SMAD3: variants seen among roughly 807,000 people sequenced by gnomAD.
SMAD3 encodes the protein MAD homolog 3.
In SMAD3, 12 loss-of-function variants were observed where a neutral mutation model predicts 51.8. The ratio of observed to expected loss-of-function variants is 0.23; its 90% confidence interval spans 0.15 to 0.38. The LOEUF (loss-of-function observed/expected upper bound fraction) is 0.38, where lower values mean the gene tolerates loss of function less well. Among genes scored for constraint, SMAD3 ranks in the 10% least tolerant of loss-of-function variants. SMAD3 has a pLI of 1.00. For synonymous variants in SMAD3, 238 were observed against 227.7 expected (o/e 1.05, Z -0.41); for missense variants, 294 against 565.6 (o/e 0.52, Z 4.87).
chr15:67,067,891 T>C (rs1004554532), intron 1 of SMAD3, among the ~76,000 whole-genome samples: 5 of 151,960 alleles, frequency 3.3e-5, no homozygotes, highest in African/African-American at 1.2e-4. Flanking sequence ...ATTCCTTCCG[T>C]GGGGGTGGCT....
chr15:67,103,167 T>C (rs10851771), intron 1 of SMAD3, among the ~76,000 whole-genome samples: 145,379 of 152,154 alleles, frequency 0.96, 69,807 homozygotes, highest in Non-Finnish European at 1. Context: ...AGCTGTACTG[T>C]TCTTTTTGTT....
At chr15:67,067,613 G>C (rs534557049) in intron 1 of SMAD3, among the ~76,000 whole-genome samples, 1 of 152,324 alleles carries the variant, frequency 6.6e-6, no homozygotes, top group Non-Finnish European at 1.5e-5. Context: ...TGCCAGGCGA[G>C]TCAGGCAGGC....
intron 1 of SMAD3, among the ~76,000 whole-genome samples, chr15:67,113,617 G>A (rs1395305006): frequency 6.6e-6 from 1 of 152,178 alleles, no homozygotes; most frequent in Non-Finnish European, 1.5e-5. Flanking sequence ...TTGGCCTTGA[G>A]CTTTCTAGCA....
intron 1 of SMAD3, among the ~76,000 whole-genome samples, chr15:67,091,196 C>G (rs1960500758): frequency 6.6e-6 from 1 of 152,220 alleles, no homozygotes; most frequent in African/African-American, 2.4e-5. Flanking sequence ...TGAACCAAGT[C>G]CCCTTATTCT....
intron 1 of SMAD3, among the ~76,000 whole-genome samples, chr15:67,075,851 C>G (rs1960155408): frequency 6.6e-6 from 1 of 151,188 alleles, no homozygotes; most frequent in South Asian, 2.1e-4. Context: ...GGAGCCAGAG[C>G]TTGCCGTGAG....
intron 1 of SMAD3, among the ~76,000 whole-genome samples, chr15:67,089,360 G>A (rs544610697): frequency 1.8e-3 from 281 of 152,268 alleles, no homozygotes; most frequent in African/African-American, 6.5e-3. Context: ...TCAGCCTCCC[G>A]GTGGGGTGAT....
Position 67,193,015 on chromosome 15 carries a change from T to C in SMAD3, c.*2479T>C, listed in dbSNP as rs530174899. 176 of 233,252 alleles carry C rather than the reference T, an allele frequency of 7.5e-4. No homozygotes were observed. The highest frequency in any genetic ancestry group is 3.7e-3 in the African/African-American group (169 of 45,442). The allele number at this position is 233,252 out of a possible 1,614,324, so 14.4% of individuals were successfully genotyped here. The stretch of plus-strand genomic sequence containing the variant: ...ACCTGTGGCATCACTGAAAATAAAT[T>C]TGATCATACCTAAGAGGTTAGGAAA... On this transcript the variant is annotated 3_prime_UTR_variant, in exon 9 of 9. Coordinates refer to ENST00000327367, the MANE Select transcript of SMAD3 (RefSeq NM_005902.4).
At position 67,188,148 on chromosome 15, in the gene SMAD3, C is replaced by CT. The variant is rs11367565; in HGVS notation, c.1154+660dup. On this transcript the variant is annotated intron_variant, in intron 8 of 8. Coordinates refer to ENST00000327367, the MANE Select transcript of SMAD3 (RefSeq NM_005902.4). ...TACATACTGGTTTCTTTTTCTTTTT[C>CT]TTTTTTTTTTTTTTTTTTTTTGAGA... Among the ~76,000 whole-genome samples the CT allele has an allele frequency of 4.6e-3, 538 of 115,928 alleles. 10 individuals carry two copies. The highest frequency in any genetic ancestry group is 0.022 in the South Asian group (70 of 3,116). The allele number at this position is 115,928 out of a possible 152,430, so 76.1% of individuals were successfully genotyped here.
At chr15:67,165,427 A>C (rs1285464775) in intron 3 of SMAD3, 43 bp downstream of exon 3, 2 of 1,609,746 alleles carry the variant, frequency 1.2e-6, no homozygotes, top group African/African-American at 2.7e-5. Flanking sequence ...AGGCAGGGGC[A>C]GCGGTCAGCC....
chr15:67,168,789 C>T (rs1962662667), intron 4 of SMAD3, among the ~76,000 whole-genome samples: 1 of 152,094 alleles, frequency 6.6e-6, no homozygotes, highest in South Asian at 2.1e-4. Context: ...ACTTGCGGAC[C>T]CCAGCCAGTG....
At chr15:67,098,570 G>A (rs371652291) in intron 1 of SMAD3, 161 of 367,800 alleles carry the variant, frequency 4.4e-4, no homozygotes, top group African/African-American at 2.8e-3. Flanking sequence ...ACTCCCTGGC[G>A]AACAGCTTGG....
chr15:67,175,643 C>T (rs557165403), intron 5 of SMAD3, among the ~76,000 whole-genome samples: 6 of 152,336 alleles, frequency 3.9e-5, no homozygotes, highest in South Asian at 4.1e-4. Flanking sequence ...AGGTGTGAAT[C>T]GGGGGCAAGT....
At chr15:67,123,239 T>C (rs1471681592) in intron 1 of SMAD3, among the ~76,000 whole-genome samples, 3 of 148,770 alleles carry the variant, frequency 2.0e-5, no homozygotes, top group African/African-American at 7.4e-5. Context: ...CTCACACCTG[T>C]AATCCCAGCA....
At chr15:67,145,125 T>A (rs1009125333) in intron 1 of SMAD3, among the ~76,000 whole-genome samples, 28 of 152,208 alleles carry the variant, frequency 1.8e-4, no homozygotes, top group African/African-American at 6.8e-4. Context: ...GAAGTCTTCT[T>A]ACTGTGTGTA....
At chr15:67,143,010 G>A (rs1322072554) in intron 1 of SMAD3, 1 of 247,846 alleles carries the variant, frequency 4.0e-6, no homozygotes, top group Middle Eastern at 6.1e-4. Flanking sequence ...TTGCTGGAGA[G>A]CCAGCTCTCC....
intron 1 of SMAD3, among the ~76,000 whole-genome samples, chr15:67,164,316 GAAAAAAAAAA>G (rs59880604): frequency 0.01 from 857 of 83,632 alleles, 8 homozygotes; most frequent in Non-Finnish European, 0.014. Context: ...CTCCGTCTCA[GAAAAAAAAAA>G]AAAAAAAAAA....
chr15:67,132,111 G>A (rs1961540557), intron 1 of SMAD3, among the ~76,000 whole-genome samples: 1 of 152,142 alleles, frequency 6.6e-6, no homozygotes, highest in Non-Finnish European at 1.5e-5. Flanking sequence ...GGAACTTCAT[G>A]ATAGGAAGGT....
At chr15:67,117,949 G>A (rs149147647) in intron 1 of SMAD3, among the ~76,000 whole-genome samples, 2,434 of 152,272 alleles carry the variant, frequency 0.016, 62 homozygotes, top group African/African-American at 0.055. Flanking sequence ...AAAATTAGCC[G>A]GGCGTGGTGA....
intron 6 of SMAD3, among the ~76,000 whole-genome samples, chr15:67,182,481 G>C (rs1275641860): frequency 6.6e-6 from 1 of 152,168 alleles, no homozygotes; most frequent in Non-Finnish European, 1.5e-5. Context: ...GGGTTCCTGC[G>C]GCAAACTCAG....
Sources: gnomAD v4.1 joint callset for allele counts (sites outside exome capture counted in the v4.1 genomes callset) on GRCh38, gnomAD v4.1.1 for gene constraint, MANE v1.5 for transcripts, NCBI Gene and HGNC (gene_info 2026-07-23, HGNC 2026-07-21) for gene names.